HPSE2: variants seen among roughly 807,000 people sequenced by gnomAD.
HPSE2 encodes the protein inactive heparanase-2.
HPSE2 carries 38 observed loss-of-function variants against 60.5 expected under a neutral mutation model. The observed-to-expected ratio is 0.63, with a 90% CI of 0.48 to 0.82. The LOEUF (loss-of-function observed/expected upper bound fraction) is 0.82, where lower values mean the gene tolerates loss of function less well. HPSE2 is among the 40% of genes least tolerant of loss of function. The probability of loss-of-function intolerance (pLI) is 0.00; values close to 1 mark genes in which losing one functional copy is unlikely to be tolerated. For missense variants in HPSE2, 713 were observed against 740.4 expected (o/e 0.96, Z 0.43); for synonymous variants, 295 against 293.2 (o/e 1.01, Z -0.06).
chr10:98,794,432 A>C (rs1360382139), intron 3 of HPSE2, among the ~76,000 whole-genome samples: 1 of 152,044 alleles, frequency 6.6e-6, no homozygotes, highest in African/African-American at 2.4e-5. Flanking sequence ...TTTAGTAGAG[A>C]TGGAGTTTCA....
In HPSE2 at chr10:99,156,270, T is replaced by C. The variant is rs1248027723; in HGVS notation, c.449-11871A>G. On this transcript the variant is annotated intron_variant, in intron 2 of 11. Coordinates refer to ENST00000370552, the MANE Select transcript of HPSE2 (RefSeq NM_021828.5). ...TTTTATGAGGCCAGCATCATTCTGA[T>C]ACCAAAGCCGGGCAGAGACACAACC... Among the ~76,000 whole-genome samples, 308 of 119,470 alleles carry C rather than the reference T, an allele frequency of 2.6e-3. 1 individual carries two copies. The highest frequency in any genetic ancestry group is 8.2e-3 in the African/African-American group (299 of 36,496). 78.4% of individuals were successfully genotyped at this position (119,470 alleles called of 152,430 possible). A position where few individuals can be genotyped will look rare whatever the true frequency, so the allele number is the denominator to read the frequency against.
the HPSE2 span, among the ~76,000 whole-genome samples, chr10:99,310,394 T>C: frequency 6.6e-6 from 1 of 152,202 alleles, no homozygotes; most frequent in Non-Finnish European, 1.5e-5. Context: ...TGATTAGTTT[T>C]TCCTGTGTGC....
intron 3 of HPSE2, among the ~76,000 whole-genome samples, chr10:98,766,342 C>A (rs1950118611): frequency 6.6e-6 from 1 of 152,160 alleles, no homozygotes; most frequent in Admixed American, 6.5e-5. Flanking sequence ...ACTGCTGACA[C>A]CAATTCTACA....
chr10:99,121,568 C>T (rs1267936101), intron 3 of HPSE2, among the ~76,000 whole-genome samples: 1 of 151,930 alleles, frequency 6.6e-6, no homozygotes, highest in Non-Finnish European at 1.5e-5. Context: ...AGACAGTTAC[C>T]TTCACTCGCA....
At chr10:98,642,865 T>G (rs1480978740) in intron 6 of HPSE2, among the ~76,000 whole-genome samples, 1 of 152,224 alleles carries the variant, frequency 6.6e-6, no homozygotes, top group Non-Finnish European at 1.5e-5. Flanking sequence ...TATCCTTGGT[T>G]GTTGGCTAAT....
At chr10:98,861,149 G>A (rs557725364) in intron 3 of HPSE2, among the ~76,000 whole-genome samples, 1 of 152,302 alleles carries the variant, frequency 6.6e-6, no homozygotes, top group Admixed American at 6.5e-5. Context: ...GCTATTCAAA[G>A]TGAGTCATAA....
At chr10:98,504,734 G>A (rs1276746357) in intron 9 of HPSE2, among the ~76,000 whole-genome samples, 2 of 149,760 alleles carry the variant, frequency 1.3e-5, no homozygotes, top group African/African-American at 4.9e-5. Flanking sequence ...AGCTTGCAGT[G>A]AGCTGAGATC....
intron 3 of HPSE2, among the ~76,000 whole-genome samples, chr10:98,781,556 G>T (rs1193164915): frequency 6.6e-6 from 1 of 152,144 alleles, no homozygotes; most frequent in Non-Finnish European, 1.5e-5. Context: ...GGCAAAAGAC[G>T]TAAGCAAGTA....
chr10:98,521,874 A>C (rs1942805076), intron 9 of HPSE2, among the ~76,000 whole-genome samples: 1 of 152,190 alleles, frequency 6.6e-6, no homozygotes, highest in African/African-American at 2.4e-5. Context: ...TCAGCAAACT[A>C]TCACAAGGAC....
intron 9 of HPSE2, among the ~76,000 whole-genome samples, chr10:98,543,742 A>C (rs1263257221): frequency 3.3e-5 from 5 of 152,178 alleles, no homozygotes; most frequent in African/African-American, 1.2e-4. Flanking sequence ...AGGCCATTAC[A>C]TAATGGTAAA....
intron 3 of HPSE2, among the ~76,000 whole-genome samples, chr10:98,958,259 G>A (rs1275895114): frequency 6.6e-6 from 1 of 151,904 alleles, no homozygotes; most frequent in African/African-American, 2.4e-5. Flanking sequence ...GCTAAAGCAG[G>A]CCAAGTAATT....
At chr10:99,123,505 T>C (rs1845040832) in intron 3 of HPSE2, among the ~76,000 whole-genome samples, 1 of 152,176 alleles carries the variant, frequency 6.6e-6, no homozygotes, top group African/African-American at 2.4e-5. Context: ...TCAGCTCTTC[T>C]CTCCTTATCG....
chr10:98,898,329 G>A (rs902506814), intron 3 of HPSE2, among the ~76,000 whole-genome samples: 1 of 152,092 alleles, frequency 6.6e-6, no homozygotes, highest in African/African-American at 2.4e-5. Context: ...AAGTAACCAA[G>A]ATAACCTTCA....
chr10:99,127,648 T>C (rs190242055), intron 3 of HPSE2, among the ~76,000 whole-genome samples: 1 of 152,254 alleles, frequency 6.6e-6, no homozygotes, highest in African/African-American at 2.4e-5. Flanking sequence ...TCAAAGAACA[T>C]CTGAGGAATT....
chr10:98,969,026 T>G (rs1033800725), intron 3 of HPSE2, among the ~76,000 whole-genome samples: 2 of 152,288 alleles, frequency 1.3e-5, no homozygotes, highest in East Asian at 3.9e-4. Context: ...TCACAAAATA[T>G]GTCCTGCATT....
intron 5 of HPSE2, among the ~76,000 whole-genome samples, chr10:98,701,755 T>G (rs2134194392): frequency 6.6e-6 from 1 of 152,060 alleles, no homozygotes; most frequent in East Asian, 1.9e-4. Context: ...GACAAGCAAA[T>G]GCTGAGGGAT....
chr10:98,960,639 G>C (rs995696476), intron 3 of HPSE2, among the ~76,000 whole-genome samples: 1 of 135,878 alleles, frequency 7.4e-6, no homozygotes, highest in Non-Finnish European at 1.6e-5. Flanking sequence ...CCACAGCCTT[G>C]TTTGTATATC....
intron 3 of HPSE2, among the ~76,000 whole-genome samples, chr10:98,986,652 C>T (rs1316690867): frequency 7.6e-6 from 1 of 131,368 alleles, no homozygotes; most frequent in Non-Finnish European, 1.8e-5. Context: ...CAGAGCAGAA[C>T]TGAAGGAAAT....
At chr10:98,764,579 C>T (rs764125886) in intron 3 of HPSE2, among the ~76,000 whole-genome samples, 11 of 152,110 alleles carry the variant, frequency 7.2e-5, no homozygotes, top group Non-Finnish European at 1.3e-4. Flanking sequence ...ATAAGCCAGG[C>T]GTGGTGGCTC....
Sources: gnomAD v4.1 joint callset for allele counts (sites outside exome capture counted in the v4.1 genomes callset) on GRCh38, gnomAD v4.1.1 for gene constraint, MANE v1.5 for transcripts, NCBI Gene and HGNC (gene_info 2026-07-23, HGNC 2026-07-21) for gene names.